The following BZW2 variants were observed in gnomAD, a reference collection of about 807,000 sequenced individuals.
BZW2 encodes eIF5-mimic protein 1.
In BZW2, 23 loss-of-function variants were observed where a neutral mutation model predicts 53.2. The ratio of observed to expected loss-of-function variants is 0.43; its 90% CI spans 0.31 to 0.61. The LOEUF (loss-of-function observed/expected upper bound fraction) is 0.61. Among genes scored for constraint, BZW2 ranks in the 20% least tolerant of loss-of-function variants. BZW2 has a pLI of 0.09. For missense variants in BZW2, 409 were observed against 503.1 expected (o/e 0.81, Z 1.79); for synonymous variants, 227 against 186.4 (o/e 1.22, Z -1.77).
chr7:16,674,566 C>A lies in BZW2; in HGVS notation c.213C>A (p.Ile71=), dbSNP rs747801736. The A allele has an allele frequency of 2.5e-5, 40 of 1,602,960 alleles. 2 individuals carry two copies. In the Middle Eastern group the frequency reaches 2.2e-3, roughly 87 times the overall value. Residue 71 remains isoleucine, a synonymous_variant, in exon 3 of 12, where the codon ATC becomes ATA. Coordinates refer to ENST00000258761, the MANE Select transcript of BZW2 (RefSeq NM_014038.3). ...GCTATGCAGACACACTCTTCGATAT[C>A]CTGGTGGCTGGCAGTATGCTTGGTA... ...YRRYADTLFD[I]LVAGSMLAPG... is the part of the protein sequence containing the mutation.
At chr7:16,656,663 G>T (rs1367832235) in intron 1 of BZW2, among the ~76,000 whole-genome samples, 1 of 151,864 alleles carries the variant, frequency 6.6e-6, no homozygotes, top group Non-Finnish European at 1.5e-5. Flanking sequence ...TTGCAAAATG[G>T]TGATTTTCTA....
chr7:16,695,559 A>T (rs1054185783), intron 8 of BZW2, among the ~76,000 whole-genome samples: 1 of 152,258 alleles, frequency 6.6e-6, no homozygotes, highest in African/African-American at 2.4e-5. Context: ...TATTTTTTAT[A>T]ATACGCATAT....
chr7:16,679,998 T>C (rs1782889003), intron 3 of BZW2, among the ~76,000 whole-genome samples: 1 of 151,986 alleles, frequency 6.6e-6, no homozygotes, highest in Non-Finnish European at 1.5e-5. Context: ...ATCTATTGAG[T>C]CCATGGGGAA....
At chr7:16,681,498 T>G in intron 4 of BZW2, 94 bp downstream of exon 4, 1 of 1,020,018 alleles carries the variant, frequency 9.8e-7, no homozygotes, top group Non-Finnish European at 1.4e-6. Flanking sequence ...ATAGGAATCT[T>G]AGAAAGCCTT....
At chr7:16,652,011 A>T (rs1174524723) in intron 1 of BZW2, among the ~76,000 whole-genome samples, 1 of 152,310 alleles carries the variant, frequency 6.6e-6, no homozygotes, top group South Asian at 2.1e-4. Context: ...TGGAAAATGC[A>T]CTGAGTGGAG....
At chr7:16,661,821 G>A (rs1170601762) in intron 1 of BZW2, among the ~76,000 whole-genome samples, 1 of 152,046 alleles carries the variant, frequency 6.6e-6, no homozygotes, top group Non-Finnish European at 1.5e-5. Flanking sequence ...TTTGTGTGTG[G>A]CTTATAGTTT....
chr7:16,656,442 G>A (rs1782123349), intron 1 of BZW2, among the ~76,000 whole-genome samples: 1 of 151,968 alleles, frequency 6.6e-6, no homozygotes, highest in Admixed American at 6.6e-5. Flanking sequence ...TTTGGTTAAG[G>A]TATGGTCTTG....
chr7:16,676,508 A>G (rs1782769948), intron 3 of BZW2, among the ~76,000 whole-genome samples: 1 of 152,200 alleles, frequency 6.6e-6, no homozygotes, highest in African/African-American at 2.4e-5. Flanking sequence ...AGATCACACC[A>G]TTGCGATCTT....
At chr7:16,649,502 AC>A (rs1781939166) in intron 1 of BZW2, among the ~76,000 whole-genome samples, 1 of 152,182 alleles carries the variant, frequency 6.6e-6, no homozygotes, top group South Asian at 2.1e-4. Context: ...TGCACATGTT[AC>A]AAATTTGGCA....
intron 1 of BZW2, among the ~76,000 whole-genome samples, chr7:16,654,557 C>T (rs545800825): frequency 1.1e-4 from 15 of 134,612 alleles, no homozygotes; most frequent in South Asian, 2.8e-4. Flanking sequence ...ATTTATGAGA[C>T]GGAGTCTTGC....
At chr7:16,650,400 C>T (rs1419389732) in intron 1 of BZW2, among the ~76,000 whole-genome samples, 3 of 149,434 alleles carry the variant, frequency 2.0e-5, no homozygotes, top group East Asian at 3.9e-4. Flanking sequence ...GAAGGCATTC[C>T]AAAAAAAAAG....
rs1407898497 is a variant in BZW2, at chr7:16,706,491, T to TC, written c.*403_*404insC. ...CATGTATGTGATTTGACAAACCAGT[T>TC]TTTTAAAATAAATGGCTTTTTAAAA... is the stretch of plus-strand genomic sequence containing the variant. On this transcript the variant is annotated 3_prime_UTR_variant, in exon 12 of 12. Coordinates refer to ENST00000258761, the MANE Select transcript of BZW2 (RefSeq NM_014038.3). 1.2e-5 allele frequency: 2 copies of TC among 163,626 alleles called. No homozygotes were observed. The highest frequency in any genetic ancestry group is 2.6e-5 in the Non-Finnish European group (2 of 75,656). 10.1% of individuals were successfully genotyped at this position (163,626 alleles called of 1,614,324 possible).
At chr7:16,683,859 G>A (rs747907878) in intron 5 of BZW2, among the ~76,000 whole-genome samples, 16 of 151,792 alleles carry the variant, frequency 1.1e-4, no homozygotes, top group Non-Finnish European at 1.6e-4. Context: ...TACTCTCCCC[G>A]CTCCTCCCCA....
chr7:16,664,181 C>A (rs921858005), intron 1 of BZW2, among the ~76,000 whole-genome samples: 1 of 152,054 alleles, frequency 6.6e-6, no homozygotes, highest in Non-Finnish European at 1.5e-5. Flanking sequence ...ATACTTTGCT[C>A]AATATAAAAG....
intron 1 of BZW2, among the ~76,000 whole-genome samples, chr7:16,652,457 T>C (rs553099072): frequency 6.1e-4 from 93 of 152,272 alleles, no homozygotes; most frequent in African/African-American, 2.0e-3. Flanking sequence ...TGCATCCCTA[T>C]TGACTAGTAC....
At chr7:16,649,125 T>C (rs1240685169) in intron 1 of BZW2, among the ~76,000 whole-genome samples, 4 of 152,146 alleles carry the variant, frequency 2.6e-5, no homozygotes, top group Non-Finnish European at 5.9e-5. Flanking sequence ...TTCATCTGAA[T>C]CTCCATGAAA....
At chr7:16,676,885 GA>G (rs889096568) in intron 3 of BZW2, among the ~76,000 whole-genome samples, 1 of 151,764 alleles carries the variant, frequency 6.6e-6, no homozygotes, top group Non-Finnish European at 1.5e-5. Flanking sequence ...TCCCTTACAC[GA>G]GACCACTTAG....
intron 2 of BZW2, among the ~76,000 whole-genome samples, chr7:16,670,163 G>A (rs1782558909): frequency 6.6e-6 from 1 of 152,260 alleles, no homozygotes; most frequent in South Asian, 2.1e-4. Context: ...AAGTTTTTAA[G>A]ATTTCCAAGC....
intron 2 of BZW2, among the ~76,000 whole-genome samples, chr7:16,672,981 T>A (rs1782652043): frequency 6.6e-6 from 1 of 151,936 alleles, no homozygotes; most frequent in African/African-American, 2.4e-5. Flanking sequence ...AGTCTCGCTC[T>A]GTCACCCAGG....
Sources: gnomAD v4.1 joint callset for allele counts (sites outside exome capture counted in the v4.1 genomes callset) on GRCh38, gnomAD v4.1.1 for gene constraint, MANE v1.5 for transcripts, NCBI Gene and HGNC (gene_info 2026-07-23, HGNC 2026-07-21) for gene names.